DNM1L: variants seen among roughly 807,000 people sequenced by gnomAD.
DNM1L encodes dynamin 1L.
In DNM1L, 33 loss-of-function variants were observed where a neutral mutation model predicts 92.8. The observed-to-expected ratio is 0.36, with a 90% CI of 0.27 to 0.48. DNM1L has a LOEUF of 0.48. Among genes scored for constraint, DNM1L ranks in the 20% least tolerant of loss-of-function variants. DNM1L has a pLI of 0.99. For missense variants in DNM1L, 485 were observed against 888.8 expected, an observed-to-expected ratio of 0.55 and a Z score of 5.78; for synonymous variants, 284 against 305.0, an observed-to-expected ratio of 0.93 and a Z score of 0.72.
At chr12:32,727,884 A>G (rs1954258503) in intron 9 of DNM1L, among the ~76,000 whole-genome samples, 1 of 152,176 alleles carries the variant, frequency 6.6e-6, no homozygotes, top group Admixed American at 6.5e-5. Flanking sequence ...ACTGAGGATA[A>G]ATTTGTAGAA....
At position 32,722,559 on chromosome 12, in the gene DNM1L, A is replaced by G. The variant is rs1445685027; in HGVS notation, c.1005A>G (p.Gln335=). ...PVDDKSATLL[Q]LITKFATEYC... ...ATGATAAAAGTGCTACTTTACTCCA[A>G]CTTATTACCAAATTTGCCACAGAAT... Residue 335 remains glutamine (Q), a synonymous_variant, in exon 9 of 20, where the codon CAA becomes CAG. Transcript: ENST00000549701. 1.9e-6 allele frequency: 3 copies of G among 1,613,372 alleles called. No homozygotes were observed. Among genetic ancestry groups the G allele is most frequent in the African/African-American group, 1.3e-5 (1 of 74,914 alleles).
chr12:32,726,003 C>A (rs1257003115), intron 9 of DNM1L, among the ~76,000 whole-genome samples: 1 of 150,870 alleles, frequency 6.6e-6, no homozygotes, highest in Non-Finnish European at 1.5e-5. Context: ...TCCAAGCAGA[C>A]TTAACCCTAT....
intron 17 of DNM1L, 58 bp downstream of exon 17, chr12:32,740,298 C>T (rs145982115): frequency 8.6e-5 from 138 of 1,612,308 alleles, no homozygotes; most frequent in South Asian, 4.9e-4. Flanking sequence ...AGTAGGAAAA[C>T]GATTAGACAG....
At chr12:32,705,639 G>C (rs1379227845) in intron 2 of DNM1L, 1 of 567,984 alleles carries the variant, frequency 1.8e-6, no homozygotes, top group Admixed American at 3.2e-5. Flanking sequence ...ATTTTGCACT[G>C]CGCAGTGGGA....
chr12:32,709,645 A>G (rs372625150), intron 4 of DNM1L: 8 of 152,200 alleles, frequency 5.3e-5, no homozygotes, highest in African/African-American at 1.9e-4. Context: ...ATCTTATATA[A>G]TTTTTATGTC....
intron 12 of DNM1L, chr12:32,733,496 A>C (rs1954695566): frequency 1.9e-6 from 1 of 521,562 alleles, no homozygotes; most frequent in South Asian, 2.5e-5. Flanking sequence ...CCTCTTAGAA[A>C]TGCAGTTTTA....
chr12:32,705,010 T>G (rs1952866110), intron 2 of DNM1L, among the ~76,000 whole-genome samples: 1 of 150,550 alleles, frequency 6.6e-6, no homozygotes, highest in Non-Finnish European at 1.5e-5. Context: ...GTTTTTTTTT[T>G]TTTTTTTTTT....
At chr12:32,712,641 C>A (rs1244909871) in intron 5 of DNM1L, among the ~76,000 whole-genome samples, 6 of 118,510 alleles carry the variant, frequency 5.1e-5, no homozygotes, top group African/African-American at 2.1e-4. Context: ...TAGAGTGAGA[C>A]CCTGTCTCAA....
At position 32,679,438 on chromosome 12, in the gene DNM1L, G is replaced by A. The variant is rs771990382; in HGVS notation, c.75G>A (p.Leu25=). The A allele has an allele frequency of 2.5e-6, 4 of 1,613,210 alleles. No homozygotes were observed. In the African/African-American group the frequency reaches 5.3e-5, roughly 22 times the overall value. ...FNTVGADIIQ[L]PQIVVVGTQS... ...CGGTGGGCGCCGACATCATCCAGCT[G>A]CCTCAAATCGTCGTAGTGGGAACGC... Residue 25 remains leucine, a synonymous_variant, in exon 1 of 20, where the codon CTG becomes CTA. Transcript: ENST00000549701.
intron 1 of DNM1L, among the ~76,000 whole-genome samples, chr12:32,695,779 TTAAG>T (rs1952421285): frequency 1.3e-5 from 2 of 151,656 alleles, no homozygotes; most frequent in Admixed American, 6.6e-5. Context: ...CTTGGATAAA[TTAAG>T]TGAATGAATG....
Position 32,730,994 on chromosome 12 carries a change from T to A in DNM1L, c.1080-20T>A, listed in dbSNP as rs769290149. 4.3e-6 allele frequency: 7 copies of A among 1,613,458 alleles called. No individual in the cohort carries two copies. Among genetic ancestry groups the A allele is most frequent in the African/African-American group, 4.0e-5 (3 of 74,912 alleles). On this transcript the variant is annotated intron_variant, in intron 9 of 19. Coordinates refer to ENST00000549701, the MANE Select transcript of DNM1L (RefSeq NM_012062.5). ...TCCCTTTTTGCAATGCCAGAAACCA[T>A]ATACTTCATTGCCTTTCAGATGCGG...
intron 2 of DNM1L, among the ~76,000 whole-genome samples, chr12:32,702,283 CGTT>C (rs1203673273): frequency 6.7e-6 from 1 of 150,270 alleles, no homozygotes; most frequent in African/African-American, 2.4e-5. Flanking sequence ...CCTTTATAAC[CGTT>C]CTTTTTTGAT....
At chr12:32,739,078 A>G (rs1281429467) in intron 16 of DNM1L, among the ~76,000 whole-genome samples, 2 of 152,168 alleles carry the variant, frequency 1.3e-5, no homozygotes, top group African/African-American at 4.8e-5. Context: ...AAATCTAATT[A>G]CTCATTTTTA....
intron 6 of DNM1L, among the ~76,000 whole-genome samples, chr12:32,718,022 T>TG: frequency 8.1e-6 from 1 of 124,096 alleles, no homozygotes; most frequent in South Asian, 2.6e-4. Context: ...AGTATATATA[T>TG]TATAAATATA....
intron 9 of DNM1L, among the ~76,000 whole-genome samples, chr12:32,723,073 AG>A (rs1487025707): frequency 1.3e-5 from 2 of 152,046 alleles, no homozygotes; most frequent in African/African-American, 2.4e-5. Context: ...CAGAAGGCTG[AG>A]GTAGGAGAAT....
rs190541939 is a variant in DNM1L, at chr12:32,704,443, G to A, written c.250+2881G>A. Among the ~76,000 whole-genome samples, 10 of 151,802 alleles carry A rather than the reference G, an allele frequency of 6.6e-5. No homozygotes were observed. The East Asian group carries it at 9.7e-4, about 15-fold the overall frequency. On this transcript the variant is annotated intron_variant, in intron 2 of 19. Transcript: ENST00000549701. ...CGGGTGCCTGTAATCCCAGCTAATC[G>A]GGAGGCTGAGGCAGGAGAATCGCTT... is the stretch of plus-strand genomic sequence containing the variant.
rs141224536 is a variant in DNM1L, at chr12:32,737,915, C to A, written c.1647C>A (p.Pro549=). Residue 549 remains proline, a synonymous_variant, in exon 15 of 20, where the codon CCC becomes CCA. Transcript: ENST00000549701. The part of the protein sequence containing the change: ...ALAPASQEPS[P]AASAEADGKL... ...CACCTGCCTCCCAGGAGCCCTCCCC[C>A]GCTGCTTCTGCTGAGGCTGATGGCA... is the stretch of plus-strand genomic sequence containing the variant. 2 of 1,613,980 alleles carry A rather than the reference C, an allele frequency of 1.2e-6. No homozygotes were observed. Among genetic ancestry groups the A allele is most frequent in the Non-Finnish European group, 1.7e-6 (2 of 1,180,000 alleles).
intron 6 of DNM1L, among the ~76,000 whole-genome samples, chr12:32,717,894 C>CAA (rs1403113481): frequency 1.1e-5 from 1 of 94,300 alleles, no homozygotes; most frequent in Non-Finnish European, 1.9e-5. Context: ...TTTATATATA[C>CAA]TATATATAGT....
At chr12:32,721,672 A>G (rs997357264) in intron 8 of DNM1L, among the ~76,000 whole-genome samples, 5 of 152,166 alleles carry the variant, frequency 3.3e-5, no homozygotes, top group East Asian at 1.9e-4. Context: ...CTTTAATTCA[A>G]TGCTAACACT....
Sources: allele counts gnomAD v4.1 joint callset (sites outside exome capture counted in the v4.1 genomes callset), GRCh38; gene constraint gnomAD v4.1.1; transcripts MANE v1.5; gene names NCBI Gene and HGNC (gene_info 2026-07-23, HGNC 2026-07-21).